Variants in MGAT5 observed in about 807,000 individuals in gnomAD.
The protein encoded by MGAT5 is alpha-1,6-mannosylglycoprotein 6-beta-N-acetylglucosaminyltransferase.
In MGAT5, 30 loss-of-function variants were observed where a neutral mutation model predicts 94.3. That is an observed-to-expected ratio of 0.32 (90% CI 0.24 to 0.43). The LOEUF is 0.43. Ranked by LOEUF, MGAT5 falls within the 20% of genes least tolerant of loss-of-function variation. The pLI is 1.00. For missense variants in MGAT5, 691 were observed against 905.5 expected, an observed-to-expected ratio of 0.76 and a Z score of 3.04; for synonymous variants, 310 against 322.9, an observed-to-expected ratio of 0.96 and a Z score of 0.43.
At chr2:134,392,931 C>CT (rs1310447457) in intron 10 of MGAT5, among the ~76,000 whole-genome samples, 2 of 152,262 alleles carry the variant, frequency 1.3e-5, no homozygotes, top group East Asian at 3.9e-4. Flanking sequence ...CCACACCACA[C>CT]GAAGGCATTG....
chr2:134,273,477 T>C (rs1050105789), intron 2 of MGAT5, among the ~76,000 whole-genome samples: 4 of 152,228 alleles, frequency 2.6e-5, no homozygotes, highest in Admixed American at 6.5e-5. Context: ...TGGTGTCTTA[T>C]TGCTCACTGA....
chr2:134,288,868 T>C (rs571525074), intron 2 of MGAT5, among the ~76,000 whole-genome samples: 2 of 152,264 alleles, frequency 1.3e-5, no homozygotes, highest in East Asian at 1.9e-4. Context: ...TCTGGAAATA[T>C]CAGATGTACA....
intron 2 of MGAT5, among the ~76,000 whole-genome samples, chr2:134,304,061 G>C (rs976259467): frequency 1.3e-5 from 2 of 152,158 alleles, no homozygotes; most frequent in African/African-American, 4.8e-5. Context: ...TATTGCCAAT[G>C]CATAGTTTCT....
intron 1 of MGAT5, among the ~76,000 whole-genome samples, chr2:134,240,354 A>G (rs917623156): frequency 1.7e-5 from 1 of 59,370 alleles, no homozygotes; most frequent in Non-Finnish European, 3.9e-5. Context: ...CTAAAATGAA[A>G]GTGTTTTTTT....
intron 3 of MGAT5, 82 bp from the exon 4 acceptor site, chr2:134,318,568 C>A: frequency 1.9e-6 from 2 of 1,031,738 alleles, no homozygotes; most frequent in Non-Finnish European, 1.5e-6. Context: ...ACTCCATCTT[C>A]ACCATTCTAT....
intron 12 of MGAT5, among the ~76,000 whole-genome samples, chr2:134,418,926 T>C (rs1335922443): frequency 6.6e-6 from 1 of 152,208 alleles, no homozygotes; most frequent in Admixed American, 6.5e-5. Context: ...TACCCTGTCC[T>C]GCTCTGCCAG....
At chr2:134,366,174 T>C (rs546920567) in intron 10 of MGAT5, among the ~76,000 whole-genome samples, 17 of 152,310 alleles carry the variant, frequency 1.1e-4, no homozygotes, top group African/African-American at 3.6e-4. Context: ...CTGCTAACAC[T>C]AGAGATGTAC....
intron 1 of MGAT5, among the ~76,000 whole-genome samples, chr2:134,202,875 TAAAAGGAAAAA>T (rs1679862761): frequency 6.6e-6 from 1 of 151,712 alleles, no homozygotes; most frequent in Non-Finnish European, 1.5e-5. Flanking sequence ...AACTGTAATG[TAAAAGGAAAAA>T]AAAAGGAAAG....
chr2:134,288,406 G>T (rs1191212816), intron 2 of MGAT5, among the ~76,000 whole-genome samples: 3 of 152,086 alleles, frequency 2.0e-5, no homozygotes, highest in Non-Finnish European at 4.4e-5. Flanking sequence ...CTTTGTTGAT[G>T]TGTTGCCGTG....
At chr2:134,258,675 A>G (rs988720732) in intron 1 of MGAT5, among the ~76,000 whole-genome samples, 3 of 152,174 alleles carry the variant, frequency 2.0e-5, no homozygotes, top group African/African-American at 7.2e-5. Flanking sequence ...TTCGCTCACG[A>G]CATCTTCATA....
chr2:134,245,668 C>T (rs994015071), intron 1 of MGAT5, among the ~76,000 whole-genome samples: 3 of 152,206 alleles, frequency 2.0e-5, no homozygotes, highest in African/African-American at 7.2e-5. Context: ...CATCTCCTTT[C>T]CATCTGTCTT....
intron 1 of MGAT5, among the ~76,000 whole-genome samples, chr2:134,226,354 A>G (rs757111748): frequency 1.3e-5 from 2 of 152,202 alleles, no homozygotes; most frequent in African/African-American, 4.8e-5. Context: ...CTTTTTGTCC[A>G]TAAGTATGGA....
intron 1 of MGAT5, among the ~76,000 whole-genome samples, chr2:134,246,644 G>C (rs1682282326): frequency 6.6e-6 from 1 of 152,168 alleles, no homozygotes; most frequent in South Asian, 2.1e-4. Context: ...CTTCTTAATA[G>C]TACTGGACTT....
At chr2:134,248,969 T>C (rs995168865) in intron 1 of MGAT5, among the ~76,000 whole-genome samples, 1 of 151,906 alleles carries the variant, frequency 6.6e-6, no homozygotes, top group African/African-American at 2.4e-5. Flanking sequence ...CCAGACAAGG[T>C]GGGCCAGGAG....
intron 2 of MGAT5, among the ~76,000 whole-genome samples, chr2:134,303,496 G>A (rs1489104141): frequency 1.3e-5 from 2 of 152,072 alleles, no homozygotes; most frequent in Non-Finnish European, 2.9e-5. Context: ...ATTTGTTAGG[G>A]TGTGTCTGTT....
chr2:134,264,263 C>T (rs765252729), intron 1 of MGAT5, among the ~76,000 whole-genome samples: 4 of 152,090 alleles, frequency 2.6e-5, no homozygotes, highest in Non-Finnish European at 5.9e-5. Context: ...CTCAGGTGAT[C>T]GGTCCCCCTC....
chr2:134,414,476 C>G (rs558325699), intron 12 of MGAT5, among the ~76,000 whole-genome samples: 8 of 152,070 alleles, frequency 5.3e-5, no homozygotes, highest in Non-Finnish European at 1.0e-4. Context: ...AGTAAATCAT[C>G]CCTCGGGTTT....
At chr2:134,396,889 C>A (rs1377727745) in intron 10 of MGAT5, among the ~76,000 whole-genome samples, 1 of 152,222 alleles carries the variant, frequency 6.6e-6, no homozygotes, top group South Asian at 2.1e-4. Flanking sequence ...TTGACCTTCA[C>A]CTGGGTGGAT....
chr2:134,172,531 T>C (rs1032471303), intron 1 of MGAT5, among the ~76,000 whole-genome samples: 4 of 152,266 alleles, frequency 2.6e-5, no homozygotes, highest in East Asian at 1.9e-4. Context: ...GGACTGCAGG[T>C]GCCCACCACC....
Sources: allele counts gnomAD v4.1 joint callset (sites outside exome capture counted in the v4.1 genomes callset), GRCh38; gene constraint gnomAD v4.1.1; transcripts MANE v1.5; gene names NCBI Gene and HGNC (gene_info 2026-07-23, HGNC 2026-07-21).